Variants in IBTK observed in about 807,000 individuals in gnomAD.
The protein encoded by IBTK is inhibitor of Bruton tyrosine kinase.
A neutral mutation model predicts 154.9 loss-of-function variants in IBTK; 83 were observed. That is an observed-to-expected ratio of 0.54 (90% CI 0.45 to 0.64). The LOEUF is 0.64. Among genes scored for constraint, IBTK ranks in the 30% least tolerant of loss-of-function variants. The pLI is 0.00. For synonymous variants in IBTK, 515 were observed against 536.1 expected (o/e 0.96, Z 0.54); for missense variants, 1,332 against 1,584.6 (o/e 0.84, Z 2.71).
At chr6:82,185,189 A>G (rs1768498126) in intron 25 of IBTK, among the ~76,000 whole-genome samples, 3 of 150,956 alleles carry the variant, frequency 2.0e-5, no homozygotes, top group South Asian at 2.1e-4. Flanking sequence ...TCTCAGAAAA[A>G]AAAAAAAAAA....
chr6:82,222,417 A>T (rs1008583887), intron 8 of IBTK, among the ~76,000 whole-genome samples: 2 of 152,294 alleles, frequency 1.3e-5, no homozygotes, highest in Non-Finnish European at 2.9e-5. Context: ...TTGTACAATG[A>T]CCTATTTAAG....
intron 1 of IBTK, among the ~76,000 whole-genome samples, chr6:82,246,253 G>C (rs1404934301): frequency 6.6e-6 from 1 of 151,912 alleles, no homozygotes; most frequent in Non-Finnish European, 1.5e-5. Context: ...AGTTTGGTAG[G>C]GCAGCTGGAG....
intron 4 of IBTK, among the ~76,000 whole-genome samples, chr6:82,228,668 C>T (rs1770384628): frequency 6.6e-6 from 1 of 151,562 alleles, no homozygotes; most frequent in South Asian, 2.1e-4. Flanking sequence ...GTCACCCAGG[C>T]TGGAGTGCAG....
intron 25 of IBTK, among the ~76,000 whole-genome samples, chr6:82,184,440 AAG>A (rs1768465626): frequency 2.0e-5 from 3 of 152,240 alleles, no homozygotes; most frequent in Non-Finnish European, 4.4e-5. Flanking sequence ...CCAGGCCACA[AAG>A]AAAAAGTATT....
chr6:82,171,281 A>G lies in IBTK; in HGVS notation c.*144T>C, dbSNP rs964226816. Reference sequence around the variant, plus strand: ...TTATTTTTAATCATACAAACATTATATGATTTAACTGCAGTAAAGAAATTA... The same window carrying G: ...TTATTTTTAATCATACAAACATTATGTGATTTAACTGCAGTAAAGAAATTA... On this transcript the variant is annotated 3_prime_UTR_variant, in exon 29 of 29. Coordinates refer to ENST00000306270, the MANE Select transcript of IBTK (RefSeq NM_015525.4). 1.3e-4 allele frequency: 67 copies of G among 535,876 alleles called. No individual in the cohort carries two copies. Among genetic ancestry groups the G allele is most frequent in the Admixed American group, 1.1e-3 (29 of 27,234 alleles). 33.2% of individuals were successfully genotyped at this position (535,876 alleles called of 1,614,324 possible).
chr6:82,237,249 GA>G (rs964355788), intron 2 of IBTK, among the ~76,000 whole-genome samples: 31 of 138,474 alleles, frequency 2.2e-4, no homozygotes, highest in African/African-American at 2.4e-4. Context: ...AGCAGAAACT[GA>G]AAAAAAAAAA....
chr6:82,175,091 CTG>C, intron 26 of IBTK: 1 of 436,346 alleles, frequency 2.3e-6, no homozygotes, highest in South Asian at 1.7e-5. Context: ...GGGAACAGGA[CTG>C]TGTTTCATTC....
intron 26 of IBTK, 70 bp downstream of exon 26, chr6:82,181,809 T>A: frequency 8.9e-7 from 1 of 1,121,434 alleles, no homozygotes; most frequent in Non-Finnish European, 1.2e-6. Flanking sequence ...TAAGGATTAT[T>A]TCAGAACATA....
At chr6:82,245,422 T>C (rs539251335) in intron 1 of IBTK, among the ~76,000 whole-genome samples, 6 of 152,064 alleles carry the variant, frequency 3.9e-5, no homozygotes, top group Non-Finnish European at 8.8e-5. Context: ...TTAGGCGTAG[T>C]GGCACATCCC....
intron 2 of IBTK, among the ~76,000 whole-genome samples, chr6:82,234,530 G>T (rs935545320): frequency 6.6e-5 from 10 of 151,684 alleles, no homozygotes; most frequent in Non-Finnish European, 1.0e-4. Context: ...TAGAGACAGG[G>T]TTTCTCCATG....
At chr6:82,208,518 G>T (rs1324040352) in intron 16 of IBTK, among the ~76,000 whole-genome samples, 1 of 152,104 alleles carries the variant, frequency 6.6e-6, no homozygotes. Flanking sequence ...GAGGCAGGAG[G>T]ATCACTTGAG....
At chr6:82,197,223 T>C (rs989556887) in intron 21 of IBTK, among the ~76,000 whole-genome samples, 28 of 152,190 alleles carry the variant, frequency 1.8e-4, no homozygotes, top group Admixed American at 1.7e-3. Flanking sequence ...CTAAAAGCTG[T>C]ATAATTGATT....
chr6:82,200,226 T>C lies in IBTK; in HGVS notation c.2940A>G (p.Thr980=), dbSNP rs776729440. 4 of 1,613,716 alleles carry C rather than the reference T, an allele frequency of 2.5e-6. No individual in the cohort carries two copies. In the South Asian group the frequency reaches 3.3e-5, roughly 13 times the overall value. The part of the protein sequence containing the change: ...HSETMFKKAK[T]KAKKKPRKRS... ...GTTTACGTGGCTTCTTTTTAGCTTT[T>C]GTTTTTGCTTTCTTGAACATAGTTT... is the stretch of plus-strand genomic sequence containing the variant. Residue 980 remains threonine, a synonymous_variant, in exon 21 of 29, where the codon ACA becomes ACG. Coordinates refer to ENST00000306270, the MANE Select transcript of IBTK (RefSeq NM_015525.4).
At chr6:82,176,969 C>CT (rs1768143819) in intron 26 of IBTK, among the ~76,000 whole-genome samples, 1 of 152,046 alleles carries the variant, frequency 6.6e-6, no homozygotes, top group Admixed American at 6.5e-5. Flanking sequence ...TAAGTGATCT[C>CT]TTTTTTTCTA....
chr6:82,208,554 C>A (rs950459209), intron 16 of IBTK, among the ~76,000 whole-genome samples: 2 of 151,928 alleles, frequency 1.3e-5, no homozygotes, highest in Non-Finnish European at 2.9e-5. Context: ...CCAGCCTGGG[C>A]AATATAGGGA....
intron 2 of IBTK, among the ~76,000 whole-genome samples, chr6:82,239,061 A>C (rs1770842233): frequency 6.6e-6 from 1 of 152,030 alleles, no homozygotes; most frequent in African/African-American, 2.4e-5. Context: ...AGAGCTTATA[A>C]ACACCGTATG....
At chr6:82,207,762 G>A (rs1048639550) in intron 16 of IBTK, among the ~76,000 whole-genome samples, 4 of 152,138 alleles carry the variant, frequency 2.6e-5, no homozygotes, top group South Asian at 2.1e-4. Context: ...GAAGAGTACA[G>A]AAATAAAACT....
intron 9 of IBTK, among the ~76,000 whole-genome samples, chr6:82,220,244 A>G (rs1380603818): frequency 6.6e-6 from 1 of 152,178 alleles, no homozygotes; most frequent in Non-Finnish European, 1.5e-5. Context: ...GTTACATTAC[A>G]TATCTTATAT....
Position 82,247,600 on chromosome 6 carries a change from G to T in IBTK, c.-396C>A. On this transcript the variant is annotated 5_prime_UTR_variant, in exon 1 of 29. Coordinates refer to ENST00000306270, the MANE Select transcript of IBTK (RefSeq NM_015525.4). ...AAACTGCGCCGGTGGATTCCGCAGG[G>T]TCCACATAGAGCCACAAAGGGACTC... The T allele has an allele frequency of 2.5e-6, 1 of 398,788 alleles. No homozygotes were observed. Among genetic ancestry groups the T allele is most frequent in the Non-Finnish European group, 4.4e-6 (1 of 226,216 alleles). The allele number at this position is 398,788 out of a possible 1,614,324, so 24.7% of individuals were successfully genotyped here. A position where few individuals can be genotyped will look rare whatever the true frequency, so the allele number is the denominator to read the frequency against.
Sources: gnomAD v4.1 joint callset for allele counts (sites outside exome capture counted in the v4.1 genomes callset) on GRCh38, gnomAD v4.1.1 for gene constraint, MANE v1.5 for transcripts, NCBI Gene and HGNC (gene_info 2026-07-23, HGNC 2026-07-21) for gene names.